Variants in KCNH1 observed in about 807,000 individuals in gnomAD.
KCNH1 encodes the protein voltage-gated delayed rectifier potassium channel KCNH1.
KCNH1 carries 27 observed loss-of-function variants against 69.2 expected under a neutral mutation model. That is an observed-to-expected ratio of 0.39 (90% CI 0.29 to 0.54). KCNH1 has a LOEUF of 0.54. Among genes scored for constraint, KCNH1 ranks in the 20% least tolerant of loss-of-function variants. The probability of loss-of-function intolerance (pLI) is 0.68; values close to 1 mark genes in which losing one functional copy is unlikely to be tolerated. For synonymous variants in KCNH1, 456 were observed against 487.7 expected, an observed-to-expected ratio of 0.93 and a Z score of 0.86; for missense variants, 798 against 1,261.6, an observed-to-expected ratio of 0.63 and a Z score of 5.57.
At chr1:211,100,513 A>G (rs760529471) in intron 3 of KCNH1, among the ~76,000 whole-genome samples, 7 of 151,956 alleles carry the variant, frequency 4.6e-5, no homozygotes, top group Non-Finnish European at 1.0e-4. Context: ...CACCACACCC[A>G]GCTAATTTTT....
At chr1:210,896,806 AAAGT>A (rs1448110469) in intron 7 of KCNH1, among the ~76,000 whole-genome samples, 1 of 152,224 alleles carries the variant, frequency 6.6e-6, no homozygotes, top group Non-Finnish European at 1.5e-5. Context: ...GAAGAAAATA[AAAGT>A]AAGAAAAAAA....
At chr1:210,994,322 C>T (rs1688986548) in intron 6 of KCNH1, among the ~76,000 whole-genome samples, 1 of 152,166 alleles carries the variant, frequency 6.6e-6, no homozygotes, top group African/African-American at 2.4e-5. Context: ...CTATTGTGTG[C>T]CAGCAACTGT....
At chr1:210,768,636 C>G (rs1215400537) in intron 10 of KCNH1, among the ~76,000 whole-genome samples, 2 of 152,184 alleles carry the variant, frequency 1.3e-5, no homozygotes, top group Non-Finnish European at 2.9e-5. Context: ...CAATGCCCAC[C>G]CATCCTGACC....
Position 210,804,132 on chromosome 1 carries a change from C to T in KCNH1, c.1497G>A (p.Thr499=), listed in dbSNP as rs774134239. The change falls in exon 8 of 11, where the codon ACG becomes ACA. Residue 499 remains threonine (T), a synonymous_variant. Coordinates refer to ENST00000271751, the MANE Select transcript of KCNH1 (RefSeq NM_172362.3). ...TGGCATACATCTGTTGGAAAATAGT[C>T]GTCACATTCCCGAAGATGGTGGCAT... ...LLYATIFGNV[T]TIFQQMYANT... is the part of the protein sequence containing the mutation. The T allele has an allele frequency of 2.9e-5, 47 of 1,613,678 alleles. No homozygotes were observed. The highest frequency in any genetic ancestry group is 1.0e-4 in the Admixed American group (6 of 59,936).
chr1:210,797,705 C>A lies in KCNH1; in HGVS notation c.1718G>T (p.Arg573Leu), dbSNP rs1298982867. 9.9e-6 allele frequency: 16 copies of A among 1,614,166 alleles called. No homozygotes were observed. Among genetic ancestry groups the A allele is most frequent in the Non-Finnish European group, 1.4e-5 (16 of 1,180,010 alleles). Residue 573 changes from arginine (R) to leucine (L), a missense_variant, in exon 9 of 11, where the codon CGC becomes CTC. Physicochemically the swap from Arg to Leu is moderately radical, Grantham distance 102. This residue lies in a region of KCNH1 where 197 missense variants were observed against 407.7 expected (regional missense o/e 0.48). Coordinates refer to ENST00000271751, the MANE Select transcript of KCNH1 (RefSeq NM_172362.3). ...MRADICVHLN[R>L]KVFKEHPAFR... ...GGCCGGGTGCTCCTTGAACACCTTG[C>A]GGTTCAGGTGCACGCAGATGTCGGC...
chr1:210,848,013 C>G (rs1685599143), intron 7 of KCNH1, among the ~76,000 whole-genome samples: 3 of 152,074 alleles, frequency 2.0e-5, no homozygotes, highest in African/African-American at 7.2e-5. Flanking sequence ...TGAGAAATCT[C>G]AGCCTTAAGT....
intron 10 of KCNH1, among the ~76,000 whole-genome samples, chr1:210,752,687 G>A (rs1023794662): frequency 6.6e-6 from 1 of 152,078 alleles, no homozygotes; most frequent in Non-Finnish European, 1.5e-5. Context: ...GGAGGAGAAC[G>A]GAGGAAATTA....
intron 6 of KCNH1, among the ~76,000 whole-genome samples, chr1:210,924,400 A>T (rs1389473247): frequency 6.6e-6 from 1 of 152,222 alleles, no homozygotes; most frequent in Non-Finnish European, 1.5e-5. Context: ...ACAATAAAAA[A>T]CAAGCATTTT....
rs573663966 is a variant in KCNH1, at chr1:210,765,956, G to C, written c.2112+9392C>G. Among the ~76,000 whole-genome samples the C allele has an allele frequency of 1.1e-3, 162 of 152,134 alleles. 1 individual carries two copies. Among genetic ancestry groups the C allele is most frequent in the African/African-American group, 3.6e-3 (150 of 41,518 alleles). On this transcript the variant is annotated intron_variant, in intron 10 of 10. Coordinates refer to ENST00000271751, the MANE Select transcript of KCNH1 (RefSeq NM_172362.3). ...CAGGCACCTGTAATCCCAGCTAGTC[G>C]GGAGGCTGAGGCAGGAGAATTGCTT...
intron 5 of KCNH1, among the ~76,000 whole-genome samples, chr1:211,073,372 G>C (rs1392591967): frequency 6.6e-6 from 1 of 152,142 alleles, no homozygotes; most frequent in Non-Finnish European, 1.5e-5. Flanking sequence ...TCAATCAACT[G>C]GATATAATGA....
rs533698077 is a variant in KCNH1, at chr1:210,843,074, C to T, written c.1463-38908G>A. Among the ~76,000 whole-genome samples the T allele has an allele frequency of 1.8e-4, 28 of 152,292 alleles. 1 individual carries two copies. In the South Asian group the frequency reaches 5.4e-3, roughly 29 times the overall value. ...CTTGGTGAAAGAAATAAGGAATGTG[C>T]CCGCAAATCATTCAAAGTCATCTAA... On this transcript the variant is annotated intron_variant, in intron 7 of 10. Coordinates refer to ENST00000271751, the MANE Select transcript of KCNH1 (RefSeq NM_172362.3).
chr1:211,114,615 TTTC>T (rs1455514495), intron 1 of KCNH1, among the ~76,000 whole-genome samples: 1 of 152,172 alleles, frequency 6.6e-6, no homozygotes, highest in Non-Finnish European at 1.5e-5. Context: ...TTAGCCAAGG[TTTC>T]TTAATTCCCC....
intron 5 of KCNH1, among the ~76,000 whole-genome samples, chr1:211,079,223 T>C (rs1690800378): frequency 6.6e-6 from 1 of 151,962 alleles, no homozygotes; most frequent in Non-Finnish European, 1.5e-5. Flanking sequence ...CTAGAAGAAA[T>C]GGATAAATTC....
chr1:210,706,956 C>T (rs1235868397), intron 10 of KCNH1, among the ~76,000 whole-genome samples: 2 of 152,216 alleles, frequency 1.3e-5, no homozygotes, highest in Admixed American at 1.3e-4. Context: ...TCAGGCATCA[C>T]ACCGAAGGCT....
intron 7 of KCNH1, among the ~76,000 whole-genome samples, chr1:210,897,023 G>T (rs137894390): frequency 6.6e-5 from 10 of 152,252 alleles, no homozygotes; most frequent in African/African-American, 2.4e-4. Context: ...CCTCTAAATG[G>T]GATGGTCTTC....
At chr1:210,842,887 C>G (rs943570969) in intron 7 of KCNH1, among the ~76,000 whole-genome samples, 1 of 152,170 alleles carries the variant, frequency 6.6e-6, no homozygotes, top group Non-Finnish European at 1.5e-5. Context: ...TTGTGAATAA[C>G]AGCATACATC....
At chr1:210,976,498 G>T (rs1688613235) in intron 6 of KCNH1, among the ~76,000 whole-genome samples, 2 of 145,968 alleles carry the variant, frequency 1.4e-5, no homozygotes, top group Non-Finnish European at 3.0e-5. Context: ...CTTTTACACT[G>T]TTGGTGGGAC....
chr1:210,846,372 C>G (rs1381902012), intron 7 of KCNH1, among the ~76,000 whole-genome samples: 1 of 152,032 alleles, frequency 6.6e-6, no homozygotes, highest in African/African-American at 2.4e-5. Context: ...GTACTGGTAC[C>G]AAAACAGAGA....
intron 6 of KCNH1, among the ~76,000 whole-genome samples, chr1:211,000,401 A>C (rs1014074312): frequency 6.6e-6 from 1 of 152,106 alleles, no homozygotes; most frequent in Non-Finnish European, 1.5e-5. Context: ...CATGAGTGAA[A>C]TCCCATTCAC....
Sources: gnomAD v4.1 joint callset for allele counts (sites outside exome capture counted in the v4.1 genomes callset) on GRCh38, gnomAD v4.1.1 for gene constraint, gnomAD v4.1.1 regional missense constraint, MANE v1.5 for transcripts, NCBI Gene and HGNC (gene_info 2026-07-23, HGNC 2026-07-21) for gene names.